Variants in RAD51B observed in about 807,000 individuals in gnomAD.
RAD51B encodes the protein DNA repair protein RAD51 homolog 2.
Under a neutral mutation model 42.2 loss-of-function variants are expected in RAD51B, and 38 were observed. The ratio of observed to expected loss-of-function variants is 0.90; its 90% CI spans 0.70 to 1.18. RAD51B has a LOEUF of 1.18. Among genes scored for constraint, RAD51B ranks in the 50% most tolerant of loss-of-function variants. The pLI, the probability that RAD51B is intolerant of heterozygous loss-of-function variation, is 0.00. For missense variants in RAD51B, 373 were observed against 400.7 expected (o/e 0.93, Z 0.59); for synonymous variants, 154 against 145.2 (o/e 1.06, Z -0.43).
At chr14:68,405,150 A>G (rs1455353205) in intron 8 of RAD51B, among the ~76,000 whole-genome samples, 1 of 152,238 alleles carries the variant, frequency 6.6e-6, no homozygotes, top group African/African-American at 2.4e-5. Flanking sequence ...GATTGTTGTA[A>G]GGATCAAAAG....
At chr14:68,478,163 G>A, downstream of RAD51B, 4 of 1,016,796 alleles carry the variant, frequency 3.9e-6, no homozygotes, top group Non-Finnish European at 4.7e-6. Context: ...ATCATGGAAT[G>A]ATGTGGGAGG....
intron 10 of RAD51B, among the ~76,000 whole-genome samples, chr14:68,532,174 T>C (rs970313526): frequency 2.6e-5 from 4 of 152,254 alleles, no homozygotes; most frequent in Admixed American, 1.3e-4. Context: ...CAATAAAAGA[T>C]GTGTTTAAAT....
At chr14:67,823,466 A>G in intron 1 of RAD51B, 76 bp from the exon 2 acceptor site, 1 of 1,217,158 alleles carries the variant, frequency 8.2e-7, no homozygotes, top group Non-Finnish European at 1.2e-6. Context: ...TTTGTTTTGG[A>G]TAGCCTATTC....
At chr14:68,589,652 C>T (rs1248137147) in intron 10 of RAD51B, among the ~76,000 whole-genome samples, 1 of 152,190 alleles carries the variant, frequency 6.6e-6, no homozygotes, top group Non-Finnish European at 1.5e-5. Context: ...TGTACAGACT[C>T]TCCTCTTCCT....
At chr14:67,955,852 T>C (rs1435389538) in intron 7 of RAD51B, among the ~76,000 whole-genome samples, 1 of 152,196 alleles carries the variant, frequency 6.6e-6, no homozygotes, top group Non-Finnish European at 1.5e-5. Flanking sequence ...TTGGAGTACA[T>C]GTAGAATTTG....
At chr14:68,157,503 A>T (rs1259254722) in intron 7 of RAD51B, among the ~76,000 whole-genome samples, 1 of 152,232 alleles carries the variant, frequency 6.6e-6, no homozygotes, top group African/African-American at 2.4e-5. Flanking sequence ...ATAGTCTGAG[A>T]AGTCATTTGG....
intron 9 of RAD51B, among the ~76,000 whole-genome samples, chr14:68,417,882 C>T (rs2084601938): frequency 6.6e-6 from 1 of 152,148 alleles, no homozygotes; most frequent in Non-Finnish European, 1.5e-5. Context: ...AAGAGGGTTC[C>T]GCTGGAAATT....
At chr14:68,676,397 G>A (rs1460471964) in intron 11 of RAD51B, among the ~76,000 whole-genome samples, 6 of 152,174 alleles carry the variant, frequency 3.9e-5, no homozygotes, top group Admixed American at 3.9e-4. Flanking sequence ...ATTTGGTTTG[G>A]GAATGCAAGC....
At chr14:67,860,170 T>C (rs1211365725) in intron 4 of RAD51B, among the ~76,000 whole-genome samples, 2 of 152,162 alleles carry the variant, frequency 1.3e-5, no homozygotes, top group African/African-American at 4.8e-5. Flanking sequence ...TGCATAGAAA[T>C]CTTTGAAGAT....
At chr14:68,360,223 C>A (rs2082995260) in intron 8 of RAD51B, among the ~76,000 whole-genome samples, 1 of 152,194 alleles carries the variant, frequency 6.6e-6, no homozygotes, top group Non-Finnish European at 1.5e-5. Context: ...TGCTTCCCAG[C>A]TCAGAGCCCA....
intron 3 of RAD51B, among the ~76,000 whole-genome samples, chr14:67,830,924 T>C (rs2041016546): frequency 6.6e-6 from 1 of 151,794 alleles, no homozygotes; most frequent in Admixed American, 6.6e-5. Flanking sequence ...TTCGCTCTTG[T>C]CACCCAGGCT....
chr14:67,918,651 G>A (rs2044231677), intron 7 of RAD51B, among the ~76,000 whole-genome samples: 1 of 152,132 alleles, frequency 6.6e-6, no homozygotes, highest in Admixed American at 6.5e-5. Flanking sequence ...CATATTACCA[G>A]GACATTTCAG....
chr14:68,447,833 T>G (rs570136992), intron 9 of RAD51B, among the ~76,000 whole-genome samples: 4 of 152,302 alleles, frequency 2.6e-5, no homozygotes, highest in African/African-American at 9.6e-5. Context: ...CCCTTAATCA[T>G]TAATGATGAG....
downstream of RAD51B, among the ~76,000 whole-genome samples, chr14:68,600,756 T>G (rs1246770881): frequency 6.6e-6 from 1 of 152,200 alleles, no homozygotes; most frequent in East Asian, 1.9e-4. Context: ...GTCAATTAAT[T>G]CACTCTCCCA....
At chr14:68,585,369 C>T (rs2140066560) in intron 10 of RAD51B, among the ~76,000 whole-genome samples, 1 of 152,330 alleles carries the variant, frequency 6.6e-6, no homozygotes, top group African/African-American at 2.4e-5. Context: ...TTATCCCTCG[C>T]ATTTCCATTG....
chr14:68,148,601 T>C (rs1383538438), intron 7 of RAD51B, among the ~76,000 whole-genome samples: 2 of 152,234 alleles, frequency 1.3e-5, no homozygotes, highest in Non-Finnish European at 2.9e-5. Context: ...CAGTAGAAAC[T>C]ATACTTTAAA....
At chr14:68,573,505 G>A (rs1383713491) in intron 10 of RAD51B, among the ~76,000 whole-genome samples, 1 of 152,078 alleles carries the variant, frequency 6.6e-6, no homozygotes. Flanking sequence ...TACCTTTGCC[G>A]ACATCCCTAC....
chr14:68,268,287 C>A (rs1164230867), intron 7 of RAD51B, among the ~76,000 whole-genome samples: 1 of 152,172 alleles, frequency 6.6e-6, no homozygotes, highest in Non-Finnish European at 1.5e-5. Flanking sequence ...AGCCATTTGC[C>A]TCTGTGTATA....
At chr14:68,444,617 T>G (rs1420195226) in intron 9 of RAD51B, among the ~76,000 whole-genome samples, 1 of 152,214 alleles carries the variant, frequency 6.6e-6, no homozygotes, top group Non-Finnish European at 1.5e-5. Flanking sequence ...TACCCTGGGA[T>G]GCAGAAACTG....
Sources: gnomAD v4.1 joint callset for allele counts (sites outside exome capture counted in the v4.1 genomes callset) on GRCh38, gnomAD v4.1.1 for gene constraint, MANE v1.5 for transcripts, NCBI Gene and HGNC (gene_info 2026-07-23, HGNC 2026-07-21) for gene names.